The following TRERF1 variants were observed in gnomAD, a reference collection of about 807,000 sequenced individuals.
TRERF1 encodes transcriptional-regulating factor 1.
Under a neutral mutation model 122.9 loss-of-function variants are expected in TRERF1, and 27 were observed. That is an observed-to-expected ratio of 0.22 (90% CI 0.16 to 0.30). The LOEUF (loss-of-function observed/expected upper bound fraction) is 0.30, where lower values mean the gene tolerates loss of function less well. Among genes scored for constraint, TRERF1 ranks in the 10% least tolerant of loss-of-function variants. The pLI is 1.00. For synonymous variants in TRERF1, 636 were observed against 641.7 expected, an observed-to-expected ratio of 0.99 and a Z score of 0.13; for missense variants, 1,248 against 1,560.3, an observed-to-expected ratio of 0.80 and a Z score of 3.37.
intron 3 of TRERF1, among the ~76,000 whole-genome samples, chr6:42,360,799 A>C (rs932326611): frequency 8.0e-4 from 120 of 149,860 alleles, no homozygotes; most frequent in Non-Finnish European, 8.1e-4. Context: ...AAAAAAAAAA[A>C]AAACCTGGAT....
chr6:42,378,156 G>A (rs1339283602), intron 2 of TRERF1, among the ~76,000 whole-genome samples: 1 of 152,162 alleles, frequency 6.6e-6, no homozygotes, highest in Non-Finnish European at 1.5e-5. Context: ...TTGAAGGGAG[G>A]TGGAGATAAG....
chr6:42,239,130 A>G (rs1773014118), intron 15 of TRERF1, among the ~76,000 whole-genome samples: 1 of 152,172 alleles, frequency 6.6e-6, no homozygotes, highest in African/African-American at 2.4e-5. Context: ...AGCTGCTTTG[A>G]AATGCCAAAG....
chr6:42,380,952 A>C (rs529888160), intron 2 of TRERF1, among the ~76,000 whole-genome samples: 1 of 152,324 alleles, frequency 6.6e-6, no homozygotes, highest in Admixed American at 6.5e-5. Flanking sequence ...GGAAACATCC[A>C]TTTCCATGAG....
Position 42,232,676 on chromosome 6 carries a change from C to A in TRERF1, c.3278+5G>T. 2 of 1,588,714 alleles carry A rather than the reference C, an allele frequency of 1.3e-6. No homozygotes were observed. Among genetic ancestry groups the A allele is most frequent in the Non-Finnish European group, 1.7e-6 (2 of 1,161,282 alleles). Reference sequence around the variant, plus strand: ...CAGATTCAGTCCCCGGTCCCCTGCACCTACTTGCCACACTCCTTGCAGGGG... The same window carrying A: ...CAGATTCAGTCCCCGGTCCCCTGCAACTACTTGCCACACTCCTTGCAGGGG... On this transcript the variant is annotated splice_donor_5th_base_variant and intron_variant, in intron 17 of 17. Transcript: ENST00000372922. The surrounding 1 kb of genome is among the most constrained non-coding windows in gnomAD (Gnocchi z 4.5).
At chr6:42,251,159 C>G (rs1290191755) in intron 13 of TRERF1, among the ~76,000 whole-genome samples, 2 of 151,782 alleles carry the variant, frequency 1.3e-5, no homozygotes, top group African/African-American at 4.8e-5. Flanking sequence ...CTATGCCTGG[C>G]TAATTTTTGT....
chr6:42,387,203 C>T (rs1001249746), intron 2 of TRERF1, among the ~76,000 whole-genome samples: 3 of 152,248 alleles, frequency 2.0e-5, no homozygotes, highest in Non-Finnish European at 4.4e-5. Context: ...TAAACCCACT[C>T]TGCCCCAAGA....
At chr6:42,283,598 CAT>C (rs1173566031) in intron 4 of TRERF1, among the ~76,000 whole-genome samples, 1 of 141,984 alleles carries the variant, frequency 7.0e-6, no homozygotes, top group Admixed American at 7.0e-5. Context: ...GATAGAATAA[CAT>C]ATGAAAAAAA....
intron 3 of TRERF1, among the ~76,000 whole-genome samples, chr6:42,302,376 G>C (rs1786366641): frequency 2.6e-5 from 4 of 152,192 alleles, no homozygotes; most frequent in Admixed American, 6.5e-5. Context: ...AAGAGAAAGT[G>C]CTCATTCTTC....
At chr6:42,325,992 A>G (rs978963042) in intron 3 of TRERF1, among the ~76,000 whole-genome samples, 5 of 152,216 alleles carry the variant, frequency 3.3e-5, no homozygotes, top group Non-Finnish European at 5.9e-5. Context: ...ACGGGTACAC[A>G]TGGATGAGAA....
chr6:42,306,880 G>T (rs549503952), intron 3 of TRERF1, among the ~76,000 whole-genome samples: 1 of 152,236 alleles, frequency 6.6e-6, no homozygotes, highest in Non-Finnish European at 1.5e-5. Flanking sequence ...GGCTATGTCC[G>T]TTTTTTTCAC....
chr6:42,365,448 G>A (rs1772548492), intron 2 of TRERF1, among the ~76,000 whole-genome samples: 2 of 152,018 alleles, frequency 1.3e-5, no homozygotes, highest in Admixed American at 1.3e-4. Flanking sequence ...CATTCTCCCG[G>A]GCTCCCAGAC....
At chr6:42,391,677 C>T (rs1303570976) in intron 2 of TRERF1, among the ~76,000 whole-genome samples, 1 of 152,152 alleles carries the variant, frequency 6.6e-6, no homozygotes, top group Non-Finnish European at 1.5e-5. Flanking sequence ...CTCCCATCTG[C>T]TGGCCACCAC....
exon 11 of TRERF1, chr6:42,257,054 T>C: frequency 6.2e-7 from 1 of 1,614,210 alleles, no homozygotes; most frequent in South Asian, 1.1e-5. Context: ...CAGAGATATC[T>C]TGGAGTTCAG....
At chr6:42,349,862 T>C (rs916740083) in intron 3 of TRERF1, among the ~76,000 whole-genome samples, 1 of 152,158 alleles carries the variant, frequency 6.6e-6, no homozygotes, top group Admixed American at 6.5e-5. Flanking sequence ...TCTTAAAAAA[T>C]TACTCAGGTC....
rs202060620 is a variant in TRERF1, at chr6:42,398,595, A to AG, written c.-453-35517dup. ...TATGGTTCTGCCCCTCCAACTCCAA[A>AG]GAAAAGACTCTCCAGAAGTGAGATC... On this transcript the variant is annotated intron_variant, in intron 2 of 17. Transcript: ENST00000372922. Among the ~76,000 whole-genome samples the AG allele has an allele frequency of 5.4e-3, 815 of 152,312 alleles. 14 individuals are homozygous for AG. Among genetic ancestry groups the AG allele is most frequent in the African/African-American group, 0.019 (788 of 41,568 alleles).
chr6:42,284,345 C>T (rs189367970), intron 4 of TRERF1, among the ~76,000 whole-genome samples: 8 of 151,680 alleles, frequency 5.3e-5, no homozygotes, highest in East Asian at 3.9e-4. Flanking sequence ...GGATCACAGG[C>T]GTGAGCCACG....
intron 2 of TRERF1, among the ~76,000 whole-genome samples, chr6:42,449,628 ACCCT>A (rs1788117291): frequency 6.6e-6 from 1 of 152,316 alleles, no homozygotes; most frequent in South Asian, 2.1e-4. Context: ...GATTTTGTTT[ACCCT>A]CCCAGCAAAT....
At chr6:42,420,741 G>C (rs1782642616) in intron 2 of TRERF1, among the ~76,000 whole-genome samples, 1 of 152,134 alleles carries the variant, frequency 6.6e-6, no homozygotes, top group Non-Finnish European at 1.5e-5. Context: ...ATCAAACCCA[G>C]GAGTTGGGAT....
chr6:42,365,041 C>G (rs559587523), intron 2 of TRERF1, among the ~76,000 whole-genome samples: 1 of 152,146 alleles, frequency 6.6e-6, no homozygotes, highest in Non-Finnish European at 1.5e-5. Context: ...AGGTGGGAAC[C>G]TGAGTGGGCT....
Sources: gnomAD v4.1 joint callset for allele counts (sites outside exome capture counted in the v4.1 genomes callset) on GRCh38, gnomAD v4.1.1 for gene constraint, Gnocchi (gnomAD v3.1) non-coding constraint, MANE v1.5 for transcripts, NCBI Gene and HGNC (gene_info 2026-07-23, HGNC 2026-07-21) for gene names.